The following ITCH variants were observed in gnomAD, a reference collection of about 807,000 sequenced individuals.
The protein encoded by ITCH is itchy E3 ubiquitin protein ligase.
Under a neutral mutation model 126.8 loss-of-function variants are expected in ITCH, and 28 were observed. That is an observed-to-expected ratio of 0.22 (90% confidence interval 0.16 to 0.30). The LOEUF (loss-of-function observed/expected upper bound fraction) is 0.30, where lower values mean the gene tolerates loss of function less well. ITCH is among the 10% of genes least tolerant of loss of function. The pLI is 1.00. For missense variants in ITCH, 631 were observed against 1,032.4 expected (o/e 0.61, Z 5.33); for synonymous variants, 342 against 340.0 (o/e 1.01, Z -0.06).
chr20:34,450,416 C>T (rs754514111), intron 12 of ITCH, among the ~76,000 whole-genome samples: 34 of 152,132 alleles, frequency 2.2e-4, no homozygotes, highest in Non-Finnish European at 4.0e-4. Context: ...CAACTTCATG[C>T]CCTACACCAT....
intron 2 of ITCH, among the ~76,000 whole-genome samples, chr20:34,389,051 C>T (rs921658666): frequency 2.3e-4 from 35 of 152,208 alleles, no homozygotes; most frequent in Non-Finnish European, 8.8e-5. Context: ...ATAACCACGT[C>T]AGTGCATGCT....
At chr20:34,435,370 T>C (rs546660978) in intron 7 of ITCH, among the ~76,000 whole-genome samples, 38 of 152,278 alleles carry the variant, frequency 2.5e-4, no homozygotes, top group African/African-American at 8.9e-4. Flanking sequence ...GGTTTCGCCA[T>C]ATAAGCCAGG....
chr20:34,442,896 A>G (rs998908909), intron 10 of ITCH, among the ~76,000 whole-genome samples: 1 of 150,922 alleles, frequency 6.6e-6, no homozygotes, highest in African/African-American at 2.4e-5. Context: ...GAATGGCATG[A>G]ACCCAGGAGG....
chr20:34,443,250 G>A (rs1983998194), intron 10 of ITCH, among the ~76,000 whole-genome samples: 1 of 151,794 alleles, frequency 6.6e-6, no homozygotes, highest in South Asian at 2.1e-4. Flanking sequence ...GGTGGCTCGC[G>A]CCTGTAATCC....
At position 34,454,817 on chromosome 20, in the gene ITCH, G is replaced by GTTTTTT. The variant is rs200486269; in HGVS notation, c.1211-2549_1211-2544dup. The stretch of plus-strand genomic sequence containing the variant: ...ACCAATTTTTCTTTTTTCTTTTCCT[G>GTTTTTT]TTTTTTTTTTTTTTTTTTTTTTTTT... On this transcript the variant is annotated intron_variant, in intron 12 of 24. Transcript: ENST00000374864. Among the ~76,000 whole-genome samples the GTTTTTT allele has an allele frequency of 5.7e-4, 62 of 109,534 alleles. 3 individuals carry two copies. Among genetic ancestry groups the GTTTTTT allele is most frequent in the African/African-American group, 1.3e-3 (35 of 26,386 alleles). The allele number at this position is 109,534 out of a possible 152,430, so 71.9% of individuals were successfully genotyped here.
At chr20:34,365,331 C>CA (rs1350938760) in intron 1 of ITCH, among the ~76,000 whole-genome samples, 1 of 152,098 alleles carries the variant, frequency 6.6e-6, no homozygotes, top group Non-Finnish European at 1.5e-5. Context: ...CCAAGGATAT[C>CA]ATATGAAATT....
At chr20:34,439,492 C>G (rs1284527437) in intron 8 of ITCH, among the ~76,000 whole-genome samples, 1 of 152,172 alleles carries the variant, frequency 6.6e-6, no homozygotes, top group Non-Finnish European at 1.5e-5. Context: ...GCAGGCTGGT[C>G]TGGAGCTCCT....
At chr20:34,457,767 G>A (rs1345325783) in intron 13 of ITCH, among the ~76,000 whole-genome samples, 1 of 152,154 alleles carries the variant, frequency 6.6e-6, no homozygotes, top group Non-Finnish European at 1.5e-5. Context: ...GCGTAATGCA[G>A]TGAGACCCTG....
rs567188783 is a variant in ITCH at position 34,474,742 on chromosome 20, G to A, written c.1570-3030G>A. On this transcript the variant is annotated intron_variant, in intron 16 of 24. Transcript: ENST00000374864. ...TCCTCACTTCCCAGTAGGGGCGGCC[G>A]GGCAGAGGCACCCCGCACCTCCAGG... 2.8e-3 allele frequency among the ~76,000 whole-genome samples: 427 copies of A among 151,898 alleles called. 3 individuals are homozygous for A. The highest frequency in any genetic ancestry group is 0.011 in the South Asian group (51 of 4,806).
rs71194611 is a variant in ITCH, at chr20:34,495,097, CAA to C, written c.2416+2517_2416+2518del. Reference sequence around the variant, plus strand: ...TAAATCCCCTTCTCTACGAAAAATACAAAAAAAAAAAAAAAAAATTAGCCAGG... The same window carrying C: ...TAAATCCCCTTCTCTACGAAAAATACAAAAAAAAAAAAAAAATTAGCCAGG... On this transcript the variant is annotated intron_variant, in intron 23 of 24. Transcript: ENST00000374864. Among the ~76,000 whole-genome samples the C allele has an allele frequency of 3.2e-3, 350 of 110,340 alleles. 1 individual carries two copies. The highest frequency in any genetic ancestry group is 4.0e-3 in the African/African-American group (115 of 28,760). The allele number at this position is 110,340 out of a possible 152,430, so 72.4% of individuals were successfully genotyped here.
At position 34,510,816 on chromosome 20, in the gene ITCH, C is replaced by A. The variant is rs1244042553; in HGVS notation, c.*3022C>A. On this transcript the variant is annotated 3_prime_UTR_variant, in exon 25 of 25. Coordinates refer to ENST00000374864, the MANE Select transcript of ITCH (RefSeq NM_031483.7). ...TGGGCAACATAGCAAGACCCTGTCT[C>A]TTAAAAAAACAAAAAGACATATTCA... 6.6e-6 allele frequency: 1 copy of A among 151,944 alleles called. No homozygotes were observed. Among genetic ancestry groups the A allele is most frequent in the East Asian group, 1.9e-4 (1 of 5,194 alleles). The allele number at this position is 151,944 out of a possible 1,614,324, so 9.4% of individuals were successfully genotyped here.
Position 34,440,225 on chromosome 20 carries a change from A to C in ITCH, c.750A>C (p.Thr250=), listed in dbSNP as rs1332834748. 3.1e-6 allele frequency: 5 copies of C among 1,610,024 alleles called. No individual in the cohort carries two copies. The highest frequency in any genetic ancestry group is 4.3e-6 in the Non-Finnish European group (5 of 1,176,410). Residue 250 remains threonine, a synonymous_variant, in exon 9 of 25, where the codon ACA becomes ACC. Transcript: ENST00000374864. The part of the protein sequence containing the change: ...DGSSTGSLPP[T]NTNTNTSEGA... ...CTAGTACAGGCTCTCTGCCGCCGAC[A>C]AATACAAATACAAATACATCTGAAG...
At chr20:34,387,515 C>T (rs1043125759) in intron 2 of ITCH, among the ~76,000 whole-genome samples, 10 of 151,190 alleles carry the variant, frequency 6.6e-5, no homozygotes, top group Non-Finnish European at 1.0e-4. Context: ...CTGTTAGTCT[C>T]AGTTACTCAG....
At chr20:34,375,155 C>CCTCA (rs1222758580) in intron 2 of ITCH, among the ~76,000 whole-genome samples, 1 of 151,620 alleles carries the variant, frequency 6.6e-6, no homozygotes, top group Non-Finnish European at 1.5e-5. Flanking sequence ...AATTCTCCTG[C>CCTCA]CTCAGCCTCC....
chr20:34,446,889 A>G (rs907177809), intron 11 of ITCH, among the ~76,000 whole-genome samples: 4 of 152,168 alleles, frequency 2.6e-5, no homozygotes, highest in Non-Finnish European at 4.4e-5. Context: ...TATTTCCTTT[A>G]TCTGTAAAAT....
intron 24 of ITCH, among the ~76,000 whole-genome samples, chr20:34,507,290 G>GTTTTTTTTTTTTTTTTT: frequency 1.4e-5 from 1 of 70,006 alleles, no homozygotes; most frequent in Non-Finnish European, 2.7e-5. Context: ...TTTTTTTTTT[G>GTTTTTTTTTTTTTTTTT]GTTGTTGTTG....
intron 1 of ITCH, among the ~76,000 whole-genome samples, chr20:34,367,168 C>G (rs781263561): frequency 1.3e-5 from 2 of 152,006 alleles, no homozygotes; most frequent in Non-Finnish European, 2.9e-5. Context: ...TGGAAGAGAA[C>G]TTGAAGTTTG....
chr20:34,499,600 G>A (rs1014177897), intron 23 of ITCH, among the ~76,000 whole-genome samples: 2 of 140,770 alleles, frequency 1.4e-5, no homozygotes, highest in African/African-American at 5.5e-5. Flanking sequence ...TTAGCTAATG[G>A]TTTGTCAATT....
intron 3 of ITCH, among the ~76,000 whole-genome samples, chr20:34,403,533 A>G (rs536202647): frequency 1.3e-5 from 2 of 152,310 alleles, no homozygotes; most frequent in African/African-American, 4.8e-5. Flanking sequence ...TTGGTTCAAC[A>G]TGTATATTAA....
Sources: allele counts gnomAD v4.1 joint callset (sites outside exome capture counted in the v4.1 genomes callset), GRCh38; gene constraint gnomAD v4.1.1; transcripts MANE v1.5; gene names NCBI Gene and HGNC (gene_info 2026-07-23, HGNC 2026-07-21).